The following FHIT variants were observed in gnomAD, a reference collection of about 807,000 sequenced individuals.
The protein encoded by FHIT is fragile histidine triad diadenosine triphosphatase, also known as bis(5'-adenosyl)-triphosphatase.
A neutral mutation model predicts 17.9 loss-of-function variants in FHIT; 19 were observed. The observed-to-expected ratio is 1.06, with a 90% CI of 0.74 to 1.56. The LOEUF (loss-of-function observed/expected upper bound fraction) is 1.56, where lower values mean the gene tolerates loss of function less well. Among genes scored for constraint, FHIT ranks in the 40% most tolerant of loss-of-function variants. The pLI is 0.00. For missense variants in FHIT, 248 were observed against 189.2 expected, an observed-to-expected ratio of 1.31 and a Z score of -1.82; for synonymous variants, 81 against 69.7, an observed-to-expected ratio of 1.16 and a Z score of -0.81.
chr3:59,990,817 G>A (rs1415698948), intron 7 of FHIT, among the ~76,000 whole-genome samples: 1 of 152,048 alleles, frequency 6.6e-6, no homozygotes, highest in East Asian at 1.9e-4. Flanking sequence ...ACAGAGGCAA[G>A]ACTGCTCACT....
intron 7 of FHIT, among the ~76,000 whole-genome samples, chr3:60,009,374 C>T (rs903742888): frequency 6.6e-6 from 1 of 151,972 alleles, no homozygotes; most frequent in African/African-American, 2.4e-5. Flanking sequence ...AAAACAGAAT[C>T]GTTTTAAAAA....
chr3:59,958,706 C>A (rs901886163), intron 7 of FHIT, among the ~76,000 whole-genome samples: 1 of 152,074 alleles, frequency 6.6e-6, no homozygotes, highest in African/African-American at 2.4e-5. Context: ...AGTAGATGGC[C>A]GCTATGTAAT....
chr3:61,131,983 G>A (rs1467695339), intron 2 of FHIT, among the ~76,000 whole-genome samples: 1 of 152,140 alleles, frequency 6.6e-6, no homozygotes, highest in Non-Finnish European at 1.5e-5. Flanking sequence ...AAGGGAACTG[G>A]GTTTCATTGT....
chr3:61,107,885 T>C lies in FHIT; in HGVS notation c.-163-65786A>G, dbSNP rs374573286. ...GGGCGCTTGCCTTATTTGAACAGAG[T>C]TCAAACAGTTGGCTACATTTGATTG... On this transcript the variant is annotated intron_variant, in intron 2 of 9. Transcript: ENST00000492590. Among the ~76,000 whole-genome samples, 198 of 152,178 alleles carry C rather than the reference T, an allele frequency of 1.3e-3. 4 individuals carry two copies. The South Asian group carries it at 0.039, about 30-fold the overall frequency.
intron 5 of FHIT, among the ~76,000 whole-genome samples, chr3:60,226,884 C>T (rs1202501162): frequency 1.3e-5 from 2 of 148,428 alleles, no homozygotes; most frequent in Non-Finnish European, 3.0e-5. Context: ...CCATTATCTT[C>T]TCCTCTGGCT....
chr3:59,867,413 G>T (rs763057373), intron 8 of FHIT, among the ~76,000 whole-genome samples: 1 of 151,958 alleles, frequency 6.6e-6, no homozygotes, highest in Non-Finnish European at 1.5e-5. Context: ...ACATAATTAA[G>T]TCATAAATGA....
At chr3:59,813,737 G>T (rs1001257501) in intron 8 of FHIT, among the ~76,000 whole-genome samples, 1 of 152,104 alleles carries the variant, frequency 6.6e-6, no homozygotes, top group African/African-American at 2.4e-5. Flanking sequence ...AAAAGGTCAG[G>T]GACCCAAGTA....
intron 3 of FHIT, among the ~76,000 whole-genome samples, chr3:60,892,090 CCA>C (rs1553760867): frequency 1.3e-5 from 2 of 152,256 alleles, no homozygotes; most frequent in East Asian, 3.9e-4. Flanking sequence ...CATCAATAGT[CCA>C]CAGAGTAATG....
intron 5 of FHIT, among the ~76,000 whole-genome samples, chr3:60,117,590 T>A (rs2107205796): frequency 6.6e-6 from 1 of 151,608 alleles, no homozygotes; most frequent in East Asian, 1.9e-4. Flanking sequence ...TATGGTTAAT[T>A]GGGAAAAATG....
chr3:60,988,883 C>T (rs769808005), intron 3 of FHIT, among the ~76,000 whole-genome samples: 11 of 122,362 alleles, frequency 9.0e-5, no homozygotes, highest in Non-Finnish European at 1.3e-4. Context: ...AGAATATAAC[C>T]ATGATTCTAA....
intron 4 of FHIT, among the ~76,000 whole-genome samples, chr3:60,631,102 TA>T (rs1308360747): frequency 6.6e-6 from 1 of 152,068 alleles, no homozygotes; most frequent in Non-Finnish European, 1.5e-5. Flanking sequence ...GGACAACAGA[TA>T]AAAGTCTCTG....
intron 4 of FHIT, among the ~76,000 whole-genome samples, chr3:60,614,470 G>A (rs9817744): frequency 0.022 from 3,286 of 152,162 alleles, 128 homozygotes; most frequent in African/African-American, 0.074. Flanking sequence ...TGGGCATGGT[G>A]GCAGATGCCT....
chr3:60,230,953 TG>T (rs1704465785), intron 5 of FHIT, among the ~76,000 whole-genome samples: 1 of 152,222 alleles, frequency 6.6e-6, no homozygotes, highest in Admixed American at 6.5e-5. Flanking sequence ...TCAAGTGATC[TG>T]CCCTCCTTGA....
chr3:60,486,636 T>C (rs770624134), intron 5 of FHIT, among the ~76,000 whole-genome samples: 26 of 152,140 alleles, frequency 1.7e-4, no homozygotes, highest in Non-Finnish European at 3.4e-4. Context: ...TTATTGAAGG[T>C]AATATTCCAG....
intron 5 of FHIT, among the ~76,000 whole-genome samples, chr3:60,124,051 G>GAGAC (rs1705422847): frequency 1.7e-5 from 2 of 118,796 alleles, no homozygotes; most frequent in Admixed American, 8.5e-5. Context: ...GAGAGAGAGA[G>GAGAC]AGAGACAGAG....
chr3:60,467,257 G>C (rs994875144), intron 5 of FHIT, among the ~76,000 whole-genome samples: 1 of 150,420 alleles, frequency 6.6e-6, no homozygotes, highest in African/African-American at 2.4e-5. Flanking sequence ...CTTTTTTTCT[G>C]AAGATTTGTC....
intron 5 of FHIT, among the ~76,000 whole-genome samples, chr3:60,308,435 T>G (rs372356175): frequency 1.3e-5 from 2 of 151,322 alleles, no homozygotes; most frequent in East Asian, 1.9e-4. Flanking sequence ...ACATCATCCT[T>G]TCTGTATCTA....
intron 2 of FHIT, among the ~76,000 whole-genome samples, chr3:61,128,467 C>T (rs897115710): frequency 3.3e-5 from 5 of 152,038 alleles, no homozygotes; most frequent in South Asian, 4.1e-4. Context: ...TTTAATCTAA[C>T]CTGCAATTAC....
intron 4 of FHIT, among the ~76,000 whole-genome samples, chr3:60,681,709 C>T (rs2040752902): frequency 6.6e-6 from 1 of 152,144 alleles, no homozygotes; most frequent in Admixed American, 6.6e-5. Flanking sequence ...GATAGAAGAT[C>T]AAACTAGCCA....
Sources: allele counts gnomAD v4.1 joint callset (sites outside exome capture counted in the v4.1 genomes callset), GRCh38; gene constraint gnomAD v4.1.1; transcripts MANE v1.5; gene names NCBI Gene and HGNC (gene_info 2026-07-23, HGNC 2026-07-21).